Variants in NALCN observed in about 807,000 individuals in gnomAD.
NALCN encodes the protein sodium leak channel NALCN.
Under a neutral mutation model 225.3 loss-of-function variants are expected in NALCN, and 111 were observed. That is an observed-to-expected ratio of 0.49 (90% confidence interval 0.42 to 0.58). The LOEUF is 0.58. Ranked by LOEUF, NALCN falls within the 20% of genes least tolerant of loss-of-function variation. NALCN has a pLI of 0.00. For missense variants in NALCN, 1,378 were observed against 2,202.4 expected (o/e 0.63, Z 7.49); for synonymous variants, 764 against 769.0 (o/e 0.99, Z 0.11).
intron 3 of NALCN, among the ~76,000 whole-genome samples, chr13:101,380,353 TA>T (rs774279245): frequency 1.8e-4 from 28 of 152,202 alleles, no homozygotes; most frequent in Non-Finnish European, 1.5e-5. Flanking sequence ...TTTCATTTTT[TA>T]ATAGGGTATC....
At position 101,073,576 on chromosome 13, in the gene NALCN, A is replaced by G. The variant is rs570237187; in HGVS notation, c.4197+8T>C. On this transcript the variant is annotated splice_region_variant and intron_variant, in intron 37 of 43. Transcript: ENST00000251127. ...GTCTAAGCCTTGTTCATGATGAGAG[A>G]TATTTACCATACAGTCATGCATAAT... The G allele has an allele frequency of 2.5e-6, 4 of 1,606,598 alleles. No individual in the cohort carries two copies. The highest frequency in any genetic ancestry group is 1.3e-5 in the African/African-American group (1 of 74,882).
chr13:101,313,332 G>A (rs1392903744), intron 7 of NALCN, among the ~76,000 whole-genome samples: 1 of 152,126 alleles, frequency 6.6e-6, no homozygotes, highest in South Asian at 2.1e-4. Context: ...ATTGACAAAT[G>A]GGATTTAATT....
At chr13:101,083,071 T>A (rs1425295255) in intron 32 of NALCN, 21 bp downstream of exon 32, 1 of 1,609,248 alleles carries the variant, frequency 6.2e-7, no homozygotes, top group Admixed American at 1.7e-5. Flanking sequence ...ATTCCCGGAG[T>A]CTTAGGGTGA....
At chr13:101,068,407 A>C (rs956684438) in intron 38 of NALCN, among the ~76,000 whole-genome samples, 1 of 152,214 alleles carries the variant, frequency 6.6e-6, no homozygotes, top group Admixed American at 6.5e-5. Context: ...GTGATATTTC[A>C]AGGCTAGAAA....
At chr13:101,139,017 T>A (rs17621541) in intron 17 of NALCN, among the ~76,000 whole-genome samples, 1 of 152,060 alleles carries the variant, frequency 6.6e-6, no homozygotes, top group African/African-American at 2.4e-5. Context: ...GTCGTTTCTA[T>A]GGAGTCTCAA....
chr13:101,399,142 G>A lies in NALCN; in HGVS notation c.-16C>T, dbSNP rs139848407. ...TTTTGAGCATGCTGAGGTTAGCTTT[G>A]GTGAGCAAGCACAAAACCACAGTCT... On this transcript the variant is annotated 5_prime_UTR_variant, in exon 2 of 44. The change creates a premature stop within an existing upstream ORF in the 5' untranslated region. Coordinates refer to ENST00000251127, the MANE Select transcript of NALCN (RefSeq NM_052867.4). The A allele has an allele frequency of 1.7e-3, 2,820 of 1,612,604 alleles. 37 individuals are homozygous for A. The highest frequency in any genetic ancestry group is 0.014 in the South Asian group (1,306 of 90,964).
At chr13:101,192,148 A>G in intron 13 of NALCN, 94 bp from the exon 14 acceptor site, 4 of 1,411,344 alleles carry the variant, frequency 2.8e-6, no homozygotes, top group Non-Finnish European at 3.8e-6. Flanking sequence ...TGATCTCAAT[A>G]TTATTGATTT....
chr13:101,154,397 G>C (rs1299782333), intron 15 of NALCN, among the ~76,000 whole-genome samples: 1 of 152,084 alleles, frequency 6.6e-6, no homozygotes, highest in South Asian at 2.1e-4. Flanking sequence ...CCTCTTATAT[G>C]GGATATTTTC....
chr13:101,103,083 A>T, intron 26 of NALCN, 89 bp downstream of exon 26: 2 of 1,462,214 alleles, frequency 1.4e-6, no homozygotes, highest in East Asian at 4.6e-5. Context: ...TATTGAATTG[A>T]CCTCAATAAG....
chr13:101,359,520 T>C (rs978875233), intron 6 of NALCN, among the ~76,000 whole-genome samples: 1 of 152,252 alleles, frequency 6.6e-6, no homozygotes, highest in African/African-American at 2.4e-5. Context: ...TTTGTCCTAG[T>C]GCAGTTAATG....
At chr13:101,229,188 A>G (rs1038695511) in intron 13 of NALCN, among the ~76,000 whole-genome samples, 10 of 152,190 alleles carry the variant, frequency 6.6e-5, no homozygotes, top group African/African-American at 2.4e-4. Flanking sequence ...TTTAGAATTG[A>G]TATATAATCT....
chr13:101,129,064 T>C (rs896482297), intron 17 of NALCN, among the ~76,000 whole-genome samples: 18 of 152,240 alleles, frequency 1.2e-4, no homozygotes, highest in African/African-American at 3.9e-4. Context: ...TTTGTGATGT[T>C]ACGGGTCTTG....
chr13:101,359,484 C>T (rs1453605153), intron 6 of NALCN, among the ~76,000 whole-genome samples: 1 of 152,228 alleles, frequency 6.6e-6, no homozygotes, highest in East Asian at 1.9e-4. Context: ...CTGCGTCCTT[C>T]TGTGTGCATC....
At chr13:101,294,564 T>C (rs940099168) in intron 7 of NALCN, among the ~76,000 whole-genome samples, 2 of 120,944 alleles carry the variant, frequency 1.7e-5, no homozygotes, top group African/African-American at 3.4e-5. Flanking sequence ...TTGTTTCTTT[T>C]TTTTTTTTTT....
chr13:101,132,707 A>C (rs534697858), intron 17 of NALCN, among the ~76,000 whole-genome samples: 51 of 152,282 alleles, frequency 3.3e-4, no homozygotes, highest in African/African-American at 1.2e-3. Context: ...CAAAATTATT[A>C]CTAGAACTCT....
intron 9 of NALCN, among the ~76,000 whole-genome samples, chr13:101,287,567 A>G (rs961723866): frequency 6.6e-6 from 1 of 152,210 alleles, no homozygotes; most frequent in Non-Finnish European, 1.5e-5. Flanking sequence ...ATTAAATAAG[A>G]CAGTTTGTAA....
chr13:101,362,462 A>G (rs1045167469), intron 6 of NALCN, among the ~76,000 whole-genome samples: 1 of 152,160 alleles, frequency 6.6e-6, no homozygotes, highest in Non-Finnish European at 1.5e-5. Context: ...AACATGATAC[A>G]TTACATAAAT....
At chr13:101,168,222 C>G (rs917709249) in intron 15 of NALCN, among the ~76,000 whole-genome samples, 2 of 152,158 alleles carry the variant, frequency 1.3e-5, no homozygotes, top group Non-Finnish European at 1.5e-5. Context: ...GGGAACCATC[C>G]TTCCCTTGGT....
Position 101,124,518 on chromosome 13 carries a change from C to A in NALCN, c.2192+90G>T, listed in dbSNP as rs117986283. 15,874 of 1,116,312 alleles carry A rather than the reference C, an allele frequency of 0.014. 233 individuals carry two copies. The highest frequency in any genetic ancestry group is 0.051 in the South Asian group (3,702 of 73,290). The allele number at this position is 1,116,312 out of a possible 1,614,324, so 69.2% of individuals were successfully genotyped here. ...CTGGCAGAAAGTATATGCTGATGCC[C>A]AGAACATTAATTCATTTTTCAAAAA... On this transcript the variant is annotated intron_variant, in intron 18 of 43. Transcript: ENST00000251127.
Sources: allele counts gnomAD v4.1 joint callset (sites outside exome capture counted in the v4.1 genomes callset), GRCh38; gene constraint gnomAD v4.1.1; transcripts MANE v1.5; gene names NCBI Gene and HGNC (gene_info 2026-07-23, HGNC 2026-07-21).